RTKN2: variants seen among roughly 807,000 people sequenced by gnomAD.
The protein encoded by RTKN2 is rhotekin-2.
RTKN2 carries 69 observed loss-of-function variants against 71.5 expected under a neutral mutation model. That is an observed-to-expected ratio of 0.96 (90% confidence interval 0.79 to 1.18). The LOEUF is 1.18. Ranked by LOEUF, RTKN2 falls within the 50% of genes most tolerant of loss-of-function variation. The probability of loss-of-function intolerance (pLI) is 0.00; values close to 1 mark genes in which losing one functional copy is unlikely to be tolerated. For synonymous variants in RTKN2, 236 were observed against 236.5 expected (o/e 1.00, Z 0.02); for missense variants, 724 against 719.7 (o/e 1.01, Z -0.07).
At chr10:62,265,863 C>T (rs1041725783) in intron 1 of RTKN2, among the ~76,000 whole-genome samples, 1 of 152,134 alleles carries the variant, frequency 6.6e-6, no homozygotes, top group Non-Finnish European at 1.5e-5. Context: ...TGTTTATTAA[C>T]CTCAAAGAAG....
chr10:62,239,486 ACTT>A (rs781581750), intron 5 of RTKN2, 159 bp downstream of exon 5: 2 of 438,064 alleles, frequency 4.6e-6, no homozygotes, highest in Non-Finnish European at 8.1e-6. Flanking sequence ...AGAGAAATGG[ACTT>A]CTTCTGAACA....
Position 62,218,309 on chromosome 10 carries a change from A to C in RTKN2, c.782-8T>G, listed in dbSNP as rs199959035. 1 of 1,469,862 alleles carries C rather than the reference A, an allele frequency of 6.8e-7. No individual in the cohort carries two copies. Among genetic ancestry groups the C allele is most frequent in the East Asian group, 2.4e-5 (1 of 40,878 alleles). 91.1% of individuals were successfully genotyped at this position (1,469,862 alleles called of 1,614,324 possible). A position where few individuals can be genotyped will look rare whatever the true frequency, so the allele number is the denominator to read the frequency against. ...GCCAAAATGAAGACTCCTCTATTTAAAGGAGAAAGAAAAAAAAAAATCAAG... is the reference window on the plus strand; with the variant it reads ...GCCAAAATGAAGACTCCTCTATTTACAGGAGAAAGAAAAAAAAAAATCAAG... On this transcript the variant is annotated splice_region_variant and splice_polypyrimidine_tract_variant and intron_variant, in intron 7 of 11. Coordinates refer to ENST00000373789, the MANE Select transcript of RTKN2 (RefSeq NM_145307.4).
intron 1 of RTKN2, among the ~76,000 whole-genome samples, chr10:62,264,780 C>G (rs1842839329): frequency 1.3e-5 from 2 of 151,922 alleles, no homozygotes; most frequent in South Asian, 4.1e-4. Flanking sequence ...TATAGAAGTA[C>G]CTAAACCTGT....
chr10:62,239,593 T>A, intron 5 of RTKN2, 55 bp downstream of exon 5: 1 of 833,906 alleles, frequency 1.2e-6, no homozygotes, highest in Non-Finnish European at 1.8e-6. Context: ...AACTTTCTTT[T>A]AAAAAAGAAG....
chr10:62,229,192 TA>T (rs2132948306), intron 6 of RTKN2, among the ~76,000 whole-genome samples: 1 of 152,284 alleles, frequency 6.6e-6, no homozygotes, highest in African/African-American at 2.4e-5. Flanking sequence ...TAGGAAAGGA[TA>T]AAACAGTAAA....
At chr10:62,208,585 A>G (rs951935514) in intron 9 of RTKN2, among the ~76,000 whole-genome samples, 25 of 152,220 alleles carry the variant, frequency 1.6e-4, no homozygotes, top group Admixed American at 9.8e-4. Context: ...ATATTTAAAA[A>G]TGAACTCATT....
At chr10:62,241,285 T>C in intron 3 of RTKN2, 90 bp from the exon 4 acceptor site, 2 of 716,132 alleles carry the variant, frequency 2.8e-6, no homozygotes, top group Admixed American at 2.9e-5. Flanking sequence ...CCATAATAAT[T>C]CTGACTACTA....
At chr10:62,264,796 AC>A (rs1842839443) in intron 1 of RTKN2, among the ~76,000 whole-genome samples, 1 of 151,118 alleles carries the variant, frequency 6.6e-6, no homozygotes, top group South Asian at 2.1e-4. Flanking sequence ...CCTGTGACCT[AC>A]CCCAAACCAA....
Position 62,184,761 on chromosome 10 carries a change from C to T in RTKN2, c.862-374G>A, listed in dbSNP as rs371379087. Reference sequence around the variant, plus strand: ...ATATTTTCTCTAGAGAACCCTTTCTCAACAACCAAATAACCCAAGTCGCTA... The same window carrying T: ...ATATTTTCTCTAGAGAACCCTTTCTTAACAACCAAATAACCCAAGTCGCTA... On this transcript the variant is annotated intron_variant, in intron 8 of 8. Transcript: ENST00000315289. Among the ~76,000 whole-genome samples the T allele has an allele frequency of 2.1e-4, 32 of 152,216 alleles. No individual in the cohort carries two copies. The East Asian group carries it at 6.0e-3, about 28-fold the overall frequency.
chr10:62,243,587 A>G (rs1842423127), intron 3 of RTKN2, among the ~76,000 whole-genome samples: 1 of 152,178 alleles, frequency 6.6e-6, no homozygotes, highest in Admixed American at 6.5e-5. Context: ...AGGAGGGTAG[A>G]TATCAGCTCC....
At chr10:62,219,339 C>T (rs1298397803) in intron 7 of RTKN2, among the ~76,000 whole-genome samples, 1 of 152,138 alleles carries the variant, frequency 6.6e-6, no homozygotes, top group Non-Finnish European at 1.5e-5. Context: ...AGGAGCCTGA[C>T]ATCGAACATT....
At chr10:62,225,162 A>G (rs1326114427) in intron 6 of RTKN2, among the ~76,000 whole-genome samples, 6 of 152,222 alleles carry the variant, frequency 3.9e-5, no homozygotes, top group African/African-American at 1.4e-4. Context: ...ATGTCTTCTT[A>G]AAGTGCCTGC....
intron 10 of RTKN2, among the ~76,000 whole-genome samples, chr10:62,203,020 C>T (rs569303375): frequency 3.2e-4 from 49 of 152,050 alleles, no homozygotes; most frequent in East Asian, 2.9e-3. Flanking sequence ...ATTAGTTGGG[C>T]GTGGTGGCAC....
chr10:62,254,958 G>A (rs963594184), intron 2 of RTKN2, among the ~76,000 whole-genome samples: 1 of 152,082 alleles, frequency 6.6e-6, no homozygotes, highest in African/African-American at 2.4e-5. Context: ...GACACAGTGA[G>A]ACCCTGTCTC....
chr10:62,239,121 T>TA (rs1287051330), intron 5 of RTKN2: 1 of 152,230 alleles, frequency 6.6e-6, no homozygotes, highest in East Asian at 1.9e-4. Context: ...CATTTTTTTT[T>TA]ATTGCTTTGA....
At chr10:62,225,233 A>G (rs1160248548) in intron 6 of RTKN2, among the ~76,000 whole-genome samples, 2 of 152,246 alleles carry the variant, frequency 1.3e-5, no homozygotes, top group Non-Finnish European at 2.9e-5. Flanking sequence ...AGCTGAAAAC[A>G]GGGCCTTTCA....
intron 9 of RTKN2, among the ~76,000 whole-genome samples, chr10:62,205,263 C>T (rs1841527072): frequency 6.6e-6 from 1 of 152,042 alleles, no homozygotes; most frequent in Non-Finnish European, 1.5e-5. Flanking sequence ...CTATATATAG[C>T]ACTTATGCTA....
chr10:62,188,069 A>G (rs972912356), intron 8 of RTKN2, among the ~76,000 whole-genome samples: 3 of 152,256 alleles, frequency 2.0e-5, no homozygotes, highest in African/African-American at 4.8e-5. Context: ...TAAGGTATCA[A>G]TTACAATGGA....
chr10:62,197,738 A>G lies in RTKN2; in HGVS notation c.*170T>C. ...ACTTACATTCTGCAAATCAGGAGTA[A>G]AAGAGAAATCCACTTCTTCATTATA... On this transcript the variant is annotated 3_prime_UTR_variant, in exon 12 of 12. Transcript: ENST00000373789. 7.1e-7 allele frequency: 1 copy of G among 1,414,540 alleles called. No homozygotes were observed. Among genetic ancestry groups the G allele is most frequent in the Non-Finnish European group, 9.2e-7 (1 of 1,090,860 alleles). The allele number at this position is 1,414,540 out of a possible 1,614,324, so 87.6% of individuals were successfully genotyped here.
Sources: allele counts gnomAD v4.1 joint callset (sites outside exome capture counted in the v4.1 genomes callset), GRCh38; gene constraint gnomAD v4.1.1; transcripts MANE v1.5; gene names NCBI Gene and HGNC (gene_info 2026-07-23, HGNC 2026-07-21).